The following DPP10 variants were observed in gnomAD, a reference collection of about 807,000 sequenced individuals.
DPP10 encodes the protein inactive dipeptidyl peptidase 10.
A neutral mutation model predicts 120.9 loss-of-function variants in DPP10; 33 were observed. The ratio of observed to expected loss-of-function variants is 0.27; its 90% CI spans 0.21 to 0.37. The LOEUF (loss-of-function observed/expected upper bound fraction) is 0.37, where lower values mean the gene tolerates loss of function less well. Among genes scored for constraint, DPP10 ranks in the 10% least tolerant of loss-of-function variants. The pLI, the probability that DPP10 is intolerant of heterozygous loss-of-function variation, is 1.00. For missense variants in DPP10, 816 were observed against 942.8 expected (o/e 0.87, Z 1.76); for synonymous variants, 337 against 326.1 (o/e 1.03, Z -0.36).
intron 3 of DPP10, among the ~76,000 whole-genome samples, chr2:115,368,445 A>G (rs1407403616): frequency 1.3e-5 from 2 of 152,102 alleles, no homozygotes; most frequent in Non-Finnish European, 1.5e-5. Context: ...GTATTATTTT[A>G]CTTTCTATCA....
At chr2:115,568,990 G>A (rs1558863282) in intron 5 of DPP10, among the ~76,000 whole-genome samples, 1 of 152,098 alleles carries the variant, frequency 6.6e-6, no homozygotes, top group Non-Finnish European at 1.5e-5. Context: ...GTCTTCCTTA[G>A]TGTCTTTCTA....
chr2:115,020,063 A>G (rs2105167913), intron 1 of DPP10, among the ~76,000 whole-genome samples: 1 of 152,318 alleles, frequency 6.6e-6, no homozygotes, highest in South Asian at 2.1e-4. Context: ...TTTAAAGTGT[A>G]AATCTCACAA....
At chr2:115,043,775 C>T (rs1354559309) in intron 1 of DPP10, among the ~76,000 whole-genome samples, 2 of 152,270 alleles carry the variant, frequency 1.3e-5, no homozygotes, top group South Asian at 2.1e-4. Flanking sequence ...CTTTGAGTCT[C>T]TGTACACATA....
chr2:114,794,523 G>A (rs928493142), intron 1 of DPP10, among the ~76,000 whole-genome samples: 2 of 152,136 alleles, frequency 1.3e-5, no homozygotes, highest in African/African-American at 4.8e-5. Context: ...ACATTTTGGG[G>A]GTGACGTTCT....
chr2:115,816,765 G>A lies in DPP10; in HGVS notation c.1950+1036G>A, dbSNP rs148509744. 1.5e-4 allele frequency among the ~76,000 whole-genome samples: 22 copies of A among 150,350 alleles called. No individual in the cohort carries two copies. In the East Asian group the frequency reaches 3.0e-3, roughly 21 times the overall value. ...CTGAGTAGCTGGGGACTACAAGCAC[G>A]TGTCACCACGCCCAGCTAATTTTTG... On this transcript the variant is annotated intron_variant, in intron 21 of 25. Transcript: ENST00000410059.
At chr2:115,714,026 A>G (rs1680006074) in intron 7 of DPP10, among the ~76,000 whole-genome samples, 1 of 152,182 alleles carries the variant, frequency 6.6e-6, no homozygotes, top group Non-Finnish European at 1.5e-5. Context: ...TTTCCTGTAA[A>G]GTCTAGCTGT....
chr2:115,390,138 C>T (rs943500323), intron 3 of DPP10, among the ~76,000 whole-genome samples: 1 of 152,172 alleles, frequency 6.6e-6, no homozygotes, highest in Non-Finnish European at 1.5e-5. Flanking sequence ...TAGAGAGATA[C>T]TCAAGTATTA....
chr2:115,577,020 C>G (rs1424850692), intron 5 of DPP10, among the ~76,000 whole-genome samples: 1 of 152,162 alleles, frequency 6.6e-6, no homozygotes, highest in African/African-American at 2.4e-5. Flanking sequence ...CTCTCTTTTC[C>G]AGCCAAATAT....
At chr2:115,648,575 A>G (rs2087477631) in intron 5 of DPP10, among the ~76,000 whole-genome samples, 1 of 151,968 alleles carries the variant, frequency 6.6e-6, no homozygotes, top group South Asian at 2.1e-4. Flanking sequence ...TTACCCATGT[A>G]ACAAACCTGC....
intron 19 of DPP10, among the ~76,000 whole-genome samples, chr2:115,812,481 A>AAAC (rs1463464935): frequency 3.4e-4 from 52 of 152,204 alleles, no homozygotes; most frequent in African/African-American, 1.1e-3. Context: ...ACAAACAAAC[A>AAAC]AACAAAAAAC....
At chr2:114,803,762 A>C (rs1684474233) in intron 1 of DPP10, among the ~76,000 whole-genome samples, 1 of 152,174 alleles carries the variant, frequency 6.6e-6, no homozygotes, top group South Asian at 2.1e-4. Context: ...AAAGGCATTC[A>C]GTTTATAAGG....
intron 3 of DPP10, among the ~76,000 whole-genome samples, chr2:115,429,969 A>G (rs2070824773): frequency 6.6e-6 from 1 of 152,188 alleles, no homozygotes; most frequent in Non-Finnish European, 1.5e-5. Context: ...GACACTTTTT[A>G]TGACAAGCGC....
chr2:115,357,870 G>C (rs933372852), intron 3 of DPP10, among the ~76,000 whole-genome samples: 17 of 152,138 alleles, frequency 1.1e-4, no homozygotes, highest in African/African-American at 3.1e-4. Context: ...AGCTTCCAAG[G>C]CTAGGGATTT....
intron 1 of DPP10, among the ~76,000 whole-genome samples, chr2:115,187,050 T>TC (rs2054503283): frequency 2.8e-5 from 3 of 108,262 alleles, no homozygotes; most frequent in African/African-American, 1.2e-4. Context: ...TTTTTTTTTT[T>TC]TTTTTGAGAC....
At chr2:114,463,065 T>A (rs1384644232) in intron 1 of DPP10, among the ~76,000 whole-genome samples, 1 of 152,150 alleles carries the variant, frequency 6.6e-6, no homozygotes, top group East Asian at 1.9e-4. Context: ...CATTGGAGAA[T>A]GGTTTTTGAA....
chr2:115,320,826 C>T (rs2062022098), intron 2 of DPP10, among the ~76,000 whole-genome samples: 1 of 152,070 alleles, frequency 6.6e-6, no homozygotes, highest in African/African-American at 2.4e-5. Flanking sequence ...CTTCATATAG[C>T]TTCAAATTAT....
At position 115,768,342 on chromosome 2, in the gene DPP10, A is replaced by C. The variant is rs768587536; in HGVS notation, c.1159A>C (p.Thr387Pro). 7.4e-6 allele frequency: 12 copies of C among 1,613,598 alleles called. 1 individual carries two copies. The South Asian group carries it at 1.3e-4, about 18-fold the overall frequency. The change falls in exon 13 of 26, where the codon ACA becomes CCA. Residue 387 changes from threonine (T) to proline (P), a missense_variant. Physicochemically the swap from Thr to Pro is conservative, Grantham distance 38 (BLOSUM62 -1). Coordinates refer to ENST00000410059, the MANE Select transcript of DPP10 (RefSeq NM_020868.6). ...TAGAGACGGCAGCAAATTCTTTATG[A>C]CAGTGCCTGTTAAGCAAGGGGGACG... ...FSRDGSKFFM[T>P]VPVKQGGRGE...
At chr2:114,783,826 G>GCT (rs923766246) in intron 1 of DPP10, among the ~76,000 whole-genome samples, 15 of 151,380 alleles carry the variant, frequency 9.9e-5, no homozygotes, top group Admixed American at 2.6e-4. Flanking sequence ...AGAATAAGAC[G>GCT]CTCTCTCTCT....
At chr2:114,915,011 G>T (rs1694672176) in intron 1 of DPP10, among the ~76,000 whole-genome samples, 1 of 152,060 alleles carries the variant, frequency 6.6e-6, no homozygotes, top group Non-Finnish European at 1.5e-5. Flanking sequence ...GGCGCCTGTA[G>T]TCCCAGCTGC....
Sources: allele counts gnomAD v4.1 joint callset (sites outside exome capture counted in the v4.1 genomes callset), GRCh38; gene constraint gnomAD v4.1.1; transcripts MANE v1.5; gene names NCBI Gene and HGNC (gene_info 2026-07-23, HGNC 2026-07-21).